ABCC5: variants seen among roughly 807,000 people sequenced by gnomAD.
The protein encoded by ABCC5 is ATP binding cassette subfamily C member 5.
Under a neutral mutation model 160.9 loss-of-function variants are expected in ABCC5, and 61 were observed. The observed-to-expected ratio is 0.38, with a 90% CI of 0.31 to 0.47. ABCC5 has a LOEUF of 0.47. Among genes scored for constraint, ABCC5 ranks in the 20% least tolerant of loss-of-function variants. ABCC5 has a pLI of 0.99. For synonymous variants in ABCC5, 666 were observed against 700.6 expected, an observed-to-expected ratio of 0.95 and a Z score of 0.78; for missense variants, 1,308 against 1,813.3, an observed-to-expected ratio of 0.72 and a Z score of 5.06.
chr3:183,951,817 TC>T lies in ABCC5; in HGVS notation c.2814+39del. On this transcript the variant is annotated intron_variant, in intron 19 of 29. Coordinates refer to ENST00000334444, the MANE Select transcript of ABCC5 (RefSeq NM_005688.4). This position sits in a 1 kb window ranked among gnomAD's most constrained non-coding sequence, Gnocchi z 4.7. ...CGCCACACCAAAGCCTGACCACAGGTCACCAGGGAGGAGGGCAGAGACCACC... is the reference window on the plus strand; with the variant it reads ...CGCCACACCAAAGCCTGACCACAGGTACCAGGGAGGAGGGCAGAGACCACC... 1 of 1,598,954 alleles carries T rather than the reference TC, an allele frequency of 6.3e-7. No individual in the cohort carries two copies. The highest frequency in any genetic ancestry group is 8.5e-7 in the Non-Finnish European group (1 of 1,171,148).
intron 2 of ABCC5, 71 bp downstream of exon 2, chr3:184,014,193 A>T: frequency 6.9e-7 from 1 of 1,450,894 alleles, no homozygotes; most frequent in African/African-American, 1.4e-5. Flanking sequence ...TTTCTAAATT[A>T]CCCATTATAC....
rs114554057 is a variant in ABCC5 at position 183,960,386 on chromosome 3, C to T, written c.2380-551G>A. Among the ~76,000 whole-genome samples the T allele has an allele frequency of 4.6e-3, 707 of 152,322 alleles. 2 individuals are homozygous for T. The highest frequency in any genetic ancestry group is 7.7e-3 in the Non-Finnish European group (522 of 68,028). On this transcript the variant is annotated intron_variant, in intron 16 of 29. Transcript: ENST00000334444. ...CCATTTCTCTACTTTGGTCCACACT[C>T]GTTCCTCCACTTGGAATGCCCCTCC...
At chr3:183,957,564 G>A (rs1205621710) in intron 17 of ABCC5, among the ~76,000 whole-genome samples, 1 of 151,456 alleles carries the variant, frequency 6.6e-6, no homozygotes, top group Non-Finnish European at 1.5e-5. Context: ...GGATCCGTGT[G>A]TACATCACAT....
At chr3:183,938,294 A>G (rs1424342937) in intron 25 of ABCC5, among the ~76,000 whole-genome samples, 2 of 152,006 alleles carry the variant, frequency 1.3e-5, no homozygotes, top group Non-Finnish European at 2.9e-5. Flanking sequence ...GGAAGGGACC[A>G]TTCCATTTTC....
rs183480590 is a variant in ABCC5, at chr3:183,930,098, C to A, written c.3855-1273G>T. The stretch of plus-strand genomic sequence containing the variant: ...TAATCTGAAAAGTATATTTGCTTTG[C>A]TCATAAAATTATGCCTGGCATGTGG... On this transcript the variant is annotated intron_variant, in intron 26 of 29. Coordinates refer to ENST00000334444, the MANE Select transcript of ABCC5 (RefSeq NM_005688.4). 1.1e-3 allele frequency among the ~76,000 whole-genome samples: 172 copies of A among 152,322 alleles called. 1 individual carries two copies. Among genetic ancestry groups the A allele is most frequent in the Non-Finnish European group, 3.2e-4 (22 of 68,028 alleles).
intron 2 of ABCC5, among the ~76,000 whole-genome samples, chr3:184,002,709 T>C (rs2108901760): frequency 6.6e-6 from 1 of 152,290 alleles, no homozygotes; most frequent in African/African-American, 2.4e-5. Flanking sequence ...CAAGGGCTTT[T>C]CCCCTGCACG....
At chr3:183,985,009 G>T in intron 5 of ABCC5, 1 of 886,654 alleles carries the variant, frequency 1.1e-6, no homozygotes, top group South Asian at 1.5e-5. Flanking sequence ...AGCAGGGAAG[G>T]TAAAAGACAT....
At position 183,965,392 on chromosome 3, in the gene ABCC5, T is replaced by G. The variant is rs1029905892; in HGVS notation, c.1943A>C (p.Glu648Ala). 5 of 1,614,046 alleles carry G rather than the reference T, an allele frequency of 3.1e-6. No homozygotes were observed. In the African/African-American group the frequency reaches 6.7e-5, roughly 22 times the overall value. ...CATTCCTTGCCTTTCTTCATCATAT[T>G]CCTTCCCAAACAGGATGTTGTCTCT... ...TLRDNILFGK[E>A]YDEERYNSVL... is the part of the protein sequence containing the mutation. The change falls in exon 13 of 30, where the codon GAA becomes GCA. Residue 648 changes from glutamate (E) to alanine (A), a missense_variant. This residue lies in a region of ABCC5 where 1,142 missense variants were observed against 1,527.1 expected (regional missense o/e 0.75). Transcript: ENST00000334444.
intron 29 of ABCC5, among the ~76,000 whole-genome samples, chr3:183,924,517 T>A (rs2108754949): frequency 6.6e-6 from 1 of 152,316 alleles, no homozygotes; most frequent in South Asian, 2.1e-4. Flanking sequence ...CTGTGGGAGC[T>A]TCTACAATAG....
At chr3:183,965,550 C>T (rs567551055) in intron 12 of ABCC5, 49 bp from the exon 13 acceptor site, 1 of 1,603,206 alleles carries the variant, frequency 6.2e-7, no homozygotes, top group Non-Finnish European at 8.5e-7. Context: ...AAACCATCAC[C>T]CTATGCCAAC....
At chr3:183,981,973 C>T in intron 7 of ABCC5, 99 bp from the exon 8 acceptor site, 1 of 1,391,844 alleles carries the variant, frequency 7.2e-7, no homozygotes, top group Non-Finnish European at 9.6e-7. Flanking sequence ...AGCATATAAT[C>T]CTGCTTGCTA....
At chr3:184,013,601 A>G (rs1418726839) in intron 2 of ABCC5, among the ~76,000 whole-genome samples, 1 of 152,016 alleles carries the variant, frequency 6.6e-6, no homozygotes, top group Non-Finnish European at 1.5e-5. Context: ...GAAAACACCA[A>G]TTTTGTTTAG....
chr3:183,942,686 T>C (rs928647657), intron 25 of ABCC5, 41 bp downstream of exon 25: 1 of 1,593,020 alleles, frequency 6.3e-7, no homozygotes, highest in Non-Finnish European at 8.6e-7. Flanking sequence ...CATAAACTGC[T>C]ACGTTCCAAT....
chr3:183,946,177 C>A (rs1331357639), intron 23 of ABCC5, among the ~76,000 whole-genome samples: 1 of 152,212 alleles, frequency 6.6e-6, no homozygotes, highest in African/African-American at 2.4e-5. Flanking sequence ...GTACCCAAAG[C>A]CTTTCTATTC....
At position 183,941,773 on chromosome 3, in the gene ABCC5, A is replaced by G. The variant is rs543496406; in HGVS notation, c.3694+954T>C. Among the ~76,000 whole-genome samples, 21 of 152,090 alleles carry G rather than the reference A, an allele frequency of 1.4e-4. No individual in the cohort carries two copies. In the South Asian group the frequency reaches 4.4e-3, roughly 32 times the overall value. Reference sequence around the variant, plus strand: ...GCTGAGGCGGGTGGATCATGAGGTCAGGAAATCGAGACCGTCCTGGCCAAC... The same window carrying G: ...GCTGAGGCGGGTGGATCATGAGGTCGGGAAATCGAGACCGTCCTGGCCAAC... On this transcript the variant is annotated intron_variant, in intron 25 of 29. Coordinates refer to ENST00000334444, the MANE Select transcript of ABCC5 (RefSeq NM_005688.4).
Position 183,987,795 on chromosome 3 carries a change from G to A in ABCC5, c.566C>T (p.Thr189Met), listed in dbSNP as rs1031185065. The A allele has an allele frequency of 6.2e-7, 1 of 1,614,206 alleles. No individual in the cohort carries two copies. The highest frequency in any genetic ancestry group is 8.5e-7 in the Non-Finnish European group (1 of 1,180,026). ...LILSIVCLMI[T>M]QLAGFSGPAF... is the part of the protein sequence containing the mutation. ...TGGTCCACTGAAGCCAGCCAGCTGC[G>A]TGATCATCAGGCACACGATGGACAG... is the stretch of plus-strand genomic sequence containing the variant. Residue 189 changes from threonine to methionine, a missense_variant, in exon 5 of 30, where the codon ACG becomes ATG. By Grantham distance (81) the Thr-to-Met change is moderately conservative. Around this residue, in one of 3 missense-constraint regions of ABCC5, gnomAD observed 1,142 missense variants for 1,527.1 expected, o/e 0.75. Transcript: ENST00000334444. The surrounding 1 kb of genome is among the most constrained non-coding windows in gnomAD (Gnocchi z 4.2).
At chr3:183,975,820 A>G (rs1718166368) in intron 10 of ABCC5, among the ~76,000 whole-genome samples, 1 of 152,004 alleles carries the variant, frequency 6.6e-6, no homozygotes, top group Non-Finnish European at 1.5e-5. Flanking sequence ...TGGAGAGAGG[A>G]GGGACCTATG....
chr3:183,951,936 T>A lies in ABCC5; in HGVS notation c.2735A>T (p.Gln912Leu). 6.2e-7 allele frequency: 1 copy of A among 1,613,998 alleles called. No individual in the cohort carries two copies. Among genetic ancestry groups the A allele is most frequent in the Admixed American group, 1.7e-5 (1 of 60,032 alleles). The change falls in exon 19 of 30, where the codon CAG becomes CTG. Residue 912 changes from glutamine to leucine, a missense_variant. This residue lies in a region of ABCC5 where 1,142 missense variants were observed against 1,527.1 expected (regional missense o/e 0.75). Transcript: ENST00000334444. This position sits in a 1 kb window ranked among gnomAD's most constrained non-coding sequence, Gnocchi z 4.7. Reference protein sequence around the residue: ...SDSMKDNPHMQYYASIYALSM... With the variant: ...SDSMKDNPHMLYYASIYALSM... ...GAGGGCGTAGATGCTGGCATAGTAC[T>A]GCATATGAGGATTGTCCTTCATGCT...
rs756207794 is a variant in ABCC5, at chr3:183,987,957, G to C, written c.444-40C>G. ...ACGTCCTCGTTACACATCTCCTCGG[G>C]GGAAAGGCACACCTAGCTCCCCGCC... On this transcript the variant is annotated intron_variant, in intron 4 of 29. Coordinates refer to ENST00000334444, the MANE Select transcript of ABCC5 (RefSeq NM_005688.4). This position sits in a 1 kb window ranked among gnomAD's most constrained non-coding sequence, Gnocchi z 4.2. 2 of 1,603,384 alleles carry C rather than the reference G, an allele frequency of 1.2e-6. No homozygotes were observed. The highest frequency in any genetic ancestry group is 1.9e-4 in the Middle Eastern group (1 of 5,226).
Sources: allele counts gnomAD v4.1 joint callset (sites outside exome capture counted in the v4.1 genomes callset), GRCh38; gene constraint gnomAD v4.1.1; regional missense constraint gnomAD v4.1.1; non-coding constraint Gnocchi (gnomAD v3.1); transcripts MANE v1.5; gene names NCBI Gene and HGNC (gene_info 2026-07-23, HGNC 2026-07-21).